Variants in TMEM181 observed in about 807,000 individuals in gnomAD.
The protein encoded by TMEM181 is G protein-coupled receptor 178.
TMEM181 carries 39 observed loss-of-function variants against 71.9 expected under a neutral mutation model. The ratio of observed to expected loss-of-function variants is 0.54; its 90% CI spans 0.42 to 0.71. TMEM181 has a LOEUF of 0.71. Ranked by LOEUF, TMEM181 falls within the 30% of genes least tolerant of loss-of-function variation. The pLI, the probability that TMEM181 is intolerant of heterozygous loss-of-function variation, is 0.00. For missense variants in TMEM181, 595 were observed against 583.0 expected (o/e 1.02, Z -0.21); for synonymous variants, 245 against 228.8 (o/e 1.07, Z -0.64).
intron 11 of TMEM181, among the ~76,000 whole-genome samples, chr6:158,624,431 G>A (rs537959903): frequency 6.6e-6 from 1 of 152,238 alleles, no homozygotes; most frequent in Non-Finnish European, 1.5e-5. Context: ...GGAAAGGGGT[G>A]GGGGGATGGC....
At chr6:158,614,301 T>G (rs1238141370) in intron 10 of TMEM181, among the ~76,000 whole-genome samples, 1 of 152,228 alleles carries the variant, frequency 6.6e-6, no homozygotes, top group Non-Finnish European at 1.5e-5. Flanking sequence ...AACTTTAGAT[T>G]ACCATTAAGT....
At chr6:158,590,985 C>T (rs987864160) in intron 6 of TMEM181, among the ~76,000 whole-genome samples, 1 of 152,238 alleles carries the variant, frequency 6.6e-6, no homozygotes, top group African/African-American at 2.4e-5. Context: ...TCTGCTTTCA[C>T]TTAGCGTGAT....
chr6:158,547,028 T>A (rs1250050306), intron 1 of TMEM181, among the ~76,000 whole-genome samples: 1 of 151,904 alleles, frequency 6.6e-6, no homozygotes, highest in Non-Finnish European at 1.5e-5. Context: ...ACGCCTGTAA[T>A]CCCAGCACTT....
chr6:158,610,602 G>T, intron 10 of TMEM181: 1 of 384,188 alleles, frequency 2.6e-6, no homozygotes. Context: ...GTTCTTCTTT[G>T]CTTCACCTCT....
chr6:158,624,219 CACGTCTGTTG>C (rs1786136323), intron 11 of TMEM181, among the ~76,000 whole-genome samples: 1 of 152,180 alleles, frequency 6.6e-6, no homozygotes, highest in Non-Finnish European at 1.5e-5. Flanking sequence ...CCCCAGGGCC[CACGTCTGTTG>C]CTGAAGGAGA....
chr6:158,580,852 T>C (rs1417611916), intron 2 of TMEM181, 88 bp from the exon 3 acceptor site: 4 of 1,195,214 alleles, frequency 3.3e-6, no homozygotes, highest in East Asian at 2.4e-5. Flanking sequence ...CTCCGTGTAA[T>C]GTGTGAGTCT....
chr6:158,600,928 TATTA>T (rs997291496), intron 6 of TMEM181, among the ~76,000 whole-genome samples: 5 of 152,210 alleles, frequency 3.3e-5, no homozygotes, highest in African/African-American at 7.2e-5. Context: ...CTTTCAGACC[TATTA>T]ATTCAGACGT....
chr6:158,625,313 G>A, intron 12 of TMEM181, 107 bp downstream of exon 12: 1 of 961,860 alleles, frequency 1.0e-6, no homozygotes, highest in South Asian at 1.4e-5. Flanking sequence ...GAGGGCCCAG[G>A]GACTGGTCCA....
intron 6 of TMEM181, among the ~76,000 whole-genome samples, chr6:158,595,431 G>C (rs193066840): frequency 6.6e-6 from 1 of 152,212 alleles, no homozygotes; most frequent in Non-Finnish European, 1.5e-5. Context: ...CTGCTGGGGA[G>C]CGTGTAAATT....
intron 6 of TMEM181, among the ~76,000 whole-genome samples, chr6:158,591,646 T>C (rs1784116801): frequency 6.6e-6 from 1 of 152,060 alleles, no homozygotes; most frequent in Non-Finnish European, 1.5e-5. Context: ...ATCTGTGCTT[T>C]AGACTTTGCT....
At chr6:158,561,594 G>A (rs1782181368) in intron 1 of TMEM181, among the ~76,000 whole-genome samples, 1 of 152,188 alleles carries the variant, frequency 6.6e-6, no homozygotes, top group Non-Finnish European at 1.5e-5. Flanking sequence ...GTGAGGTGGT[G>A]AGGGCCTTGG....
exon 1 of TMEM181, chr6:158,536,812 G>C (rs1205654692): frequency 6.4e-7 from 1 of 1,556,810 alleles, no homozygotes; most frequent in African/African-American, 1.4e-5. Flanking sequence ...TGCGGGAAGC[G>C]TACCGCGAGC....
chr6:158,584,318 A>T (rs1783645202), intron 4 of TMEM181, among the ~76,000 whole-genome samples: 1 of 152,184 alleles, frequency 6.6e-6, no homozygotes, highest in South Asian at 2.1e-4. Flanking sequence ...TTTTTCAGTG[A>T]GGATCTGGGA....
intron 1 of TMEM181, among the ~76,000 whole-genome samples, chr6:158,571,001 C>A (rs1240529347): frequency 1.3e-5 from 2 of 151,068 alleles, no homozygotes; most frequent in Non-Finnish European, 3.0e-5. Flanking sequence ...CAACCTCCAA[C>A]TCCCTGGTTC....
At chr6:158,607,806 G>T (rs1206142632) in intron 8 of TMEM181, among the ~76,000 whole-genome samples, 2 of 152,246 alleles carry the variant, frequency 1.3e-5, no homozygotes, top group Admixed American at 1.3e-4. Context: ...CCGAGCTGGG[G>T]CAGATGCCTG....
chr6:158,599,879 C>T (rs557781702), intron 6 of TMEM181, among the ~76,000 whole-genome samples: 5 of 152,220 alleles, frequency 3.3e-5, no homozygotes, highest in African/African-American at 9.6e-5. Context: ...AGGAGGAGCA[C>T]GCAGGTGATT....
rs918543766 is a variant in TMEM181 at position 158,564,030 on chromosome 6, G to A, written c.8+3798G>A. Among the ~76,000 whole-genome samples the A allele has an allele frequency of 3.3e-5, 5 of 152,166 alleles. No homozygotes were observed. In the East Asian group the frequency reaches 5.8e-4, roughly 18 times the overall value. On this transcript the variant is annotated intron_variant, in intron 1 of 16. Transcript: ENST00000684151. ...TGACCTCAGGTGATGCACCTACCTC[G>A]GCTTCCGAAAGTGCTGGGATTACAG...
At chr6:158,567,961 C>G (rs540379655) in intron 1 of TMEM181, among the ~76,000 whole-genome samples, 28 of 152,224 alleles carry the variant, frequency 1.8e-4, no homozygotes, top group African/African-American at 6.5e-4. Context: ...GCACTGTACG[C>G]TTCCTGAGCA....
rs1270364096 is a variant in TMEM181 at position 158,630,698 on chromosome 6, G to A, written c.1283-625G>A. ...CATCGTAAGTCAAGGAGCATCTGTA[G>A]TAGTGTTGTTACCATTAAAAAAAAA... On this transcript the variant is annotated intron_variant, in intron 15 of 16. Coordinates refer to ENST00000684151, the MANE Select transcript of TMEM181 (RefSeq NM_001376852.1). Among the ~76,000 whole-genome samples the A allele has an allele frequency of 3.4e-5, 5 of 146,608 alleles. No homozygotes were observed. In the East Asian group the frequency reaches 9.8e-4, roughly 29 times the overall value.
Sources: gnomAD v4.1 joint callset for allele counts (sites outside exome capture counted in the v4.1 genomes callset) on GRCh38, gnomAD v4.1.1 for gene constraint, MANE v1.5 for transcripts, NCBI Gene and HGNC (gene_info 2026-07-23, HGNC 2026-07-21) for gene names.